Variants in NIP7 observed in about 807,000 individuals in gnomAD.
NIP7 encodes the protein nucleolar pre-rRNA processing protein NIP7.
A neutral mutation model predicts 20.1 loss-of-function variants in NIP7; 12 were observed. That is an observed-to-expected ratio of 0.60 (90% CI 0.38 to 0.97). The LOEUF (loss-of-function observed/expected upper bound fraction) is 0.97. Ranked by LOEUF, NIP7 falls within the 50% of genes least tolerant of loss-of-function variation. The probability of loss-of-function intolerance (pLI) is 0.00; values close to 1 mark genes in which losing one functional copy is unlikely to be tolerated. For synonymous variants in NIP7, 103 were observed against 87.2 expected (o/e 1.18, Z -1.01); for missense variants, 226 against 226.6 (o/e 1.00, Z 0.02).
Position 69,339,994 on chromosome 16 carries a change from T to G in NIP7, c.57-12T>G. 6.2e-7 allele frequency: 1 copy of G among 1,613,434 alleles called. No homozygotes were observed. Among genetic ancestry groups the G allele is most frequent in the Non-Finnish European group, 8.5e-7 (1 of 1,179,964 alleles). On this transcript the variant is annotated splice_polypyrimidine_tract_variant and intron_variant, in intron 1 of 4. Coordinates refer to ENST00000254940, the MANE Select transcript of NIP7 (RefSeq NM_016101.5). ...GTTCGGGCGCGGTCTCCAGTCCTCT[T>G]TTTGCCCTCAGCATTGGGGAGAATC...
rs2012595881 is a variant in NIP7, at chr16:69,342,777, G to A, written c.*1125G>A. On this transcript the variant is annotated 3_prime_UTR_variant, in exon 5 of 5. Transcript: ENST00000254940. Reference sequence around the variant, plus strand: ...GTTTTCTCAGTATTTTTCTTGGATGGGATGACGCTAGGCTGGAAAGTTTTT... The same window carrying A: ...GTTTTCTCAGTATTTTTCTTGGATGAGATGACGCTAGGCTGGAAAGTTTTT... 6.6e-6 allele frequency: 1 copy of A among 151,820 alleles called. No individual in the cohort carries two copies. Among genetic ancestry groups the A allele is most frequent in the Admixed American group, 6.6e-5 (1 of 15,226 alleles). The allele number at this position is 151,820 out of a possible 1,614,324, so 9.4% of individuals were successfully genotyped here. A position where few individuals can be genotyped will look rare whatever the true frequency, so the allele number is the denominator to read the frequency against.
At position 69,341,203 on chromosome 16, in the gene NIP7, T is replaced by C. The variant is rs763896594; in HGVS notation, c.306T>C (p.Gly102=). 1.2e-6 allele frequency: 2 copies of C among 1,614,132 alleles called. No homozygotes were observed. Among genetic ancestry groups the C allele is most frequent in the Non-Finnish European group, 1.7e-6 (2 of 1,179,968 alleles). Reference sequence around the variant, plus strand: ...AGTATAAAGTTTGGATAAAGCCTGGTGCAGAGCAGTCCTTCCTGTATGGGA... The same window carrying C: ...AGTATAAAGTTTGGATAAAGCCTGGCGCAGAGCAGTCCTTCCTGTATGGGA... The part of the protein sequence containing the change: ...YAKYKVWIKP[G]AEQSFLYGNH... The change falls in exon 4 of 5, where the codon GGT becomes GGC. Residue 102 remains glycine (G), a synonymous_variant. Coordinates refer to ENST00000254940, the MANE Select transcript of NIP7 (RefSeq NM_016101.5).
Position 69,339,845 on chromosome 16 carries a change from GAA to G in NIP7, c.17_18del (p.Glu6GlyfsTer8), listed in dbSNP as rs753573745. On this transcript the variant is annotated frameshift_variant, in exon 1 of 5. Coordinates refer to ENST00000254940, the MANE Select transcript of NIP7 (RefSeq NM_016101.5). LOFTEE classifies it high-confidence loss of function. ...AGGGGGAAAAATGCGGCCTTTGACTGAAGAGGAGACCCGTGTCATGTTTGAGA... is the reference window on the plus strand; with the variant it reads ...AGGGGGAAAAATGCGGCCTTTGACTGGAGGAGACCCGTGTCATGTTTGAGA... MRPLT[E>X]EETRVMFEKI... 6.2e-7 allele frequency: 1 copy of G among 1,613,466 alleles called. No individual in the cohort carries two copies. The highest frequency in any genetic ancestry group is 1.1e-5 in the South Asian group (1 of 91,052).
chr16:69,340,524 G>T (rs1162747738), intron 3 of NIP7, 192 bp downstream of exon 3: 4 of 699,628 alleles, frequency 5.7e-6, no homozygotes, highest in African/African-American at 3.6e-5. Flanking sequence ...GCTGCGTAGG[G>T]TTAGTTTTCT....
intron 3 of NIP7, chr16:69,340,559 A>G: frequency 1.8e-6 from 1 of 542,054 alleles, no homozygotes; most frequent in South Asian, 2.9e-5. Flanking sequence ...GAGCCTAGGG[A>G]GACCCAGCTA....
intron 3 of NIP7, chr16:69,340,825 C>G (rs748016373): frequency 4.4e-6 from 1 of 228,400 alleles, no homozygotes; most frequent in Non-Finnish European, 8.8e-6. Flanking sequence ...TCCAGTGATT[C>G]TTGTGCCTCA....
rs374023433 is a variant in NIP7 at position 69,340,114 on chromosome 16, A to C, written c.143+22A>C. The C allele has an allele frequency of 3.1e-6, 5 of 1,613,256 alleles. No individual in the cohort carries two copies. In the Admixed American group the frequency reaches 6.7e-5, roughly 22 times the overall value. ...TGAGGTGAGGCGGGGCCGGGCAGGC[A>C]GCATGGACCCAGGGGAGAGGGGTCC... On this transcript the variant is annotated intron_variant, in intron 2 of 4. Transcript: ENST00000254940.
chr16:69,339,774 CT>C lies in NIP7; in HGVS notation c.-54del. The C allele has an allele frequency of 6.2e-7, 1 of 1,601,460 alleles. No individual in the cohort carries two copies. Among genetic ancestry groups the C allele is most frequent in the East Asian group, 2.2e-5 (1 of 44,822 alleles). On this transcript the variant is annotated 5_prime_UTR_variant, in exon 1 of 5. Transcript: ENST00000254940. The stretch of plus-strand genomic sequence containing the variant: ...TTGCCGGGGAGCAGCGAGCGACCGA[CT>C]TCCGTTTCCAGTTACCAAGGCACGA...
At chr16:69,340,374 C>A in intron 3 of NIP7, 42 bp downstream of exon 3, 1 of 1,599,500 alleles carries the variant, frequency 6.3e-7, no homozygotes, top group Non-Finnish European at 8.5e-7. Flanking sequence ...GCGATGAAGT[C>A]AAGGATTAGG....
At position 69,341,708 on chromosome 16, in the gene NIP7, G is replaced by A; in HGVS notation, c.*56G>A. 6.2e-7 allele frequency: 1 copy of A among 1,605,126 alleles called. No homozygotes were observed. Among genetic ancestry groups the A allele is most frequent in the Non-Finnish European group, 8.5e-7 (1 of 1,174,058 alleles). On this transcript the variant is annotated 3_prime_UTR_variant, in exon 5 of 5. Transcript: ENST00000254940. Reference sequence around the variant, plus strand: ...ATGGAAAGGCCGAGCTTTGTTTCCTGTGTTTGTGTGGACTCCACCATCATG... The same window carrying A: ...ATGGAAAGGCCGAGCTTTGTTTCCTATGTTTGTGTGGACTCCACCATCATG...
In NIP7 at chr16:69,340,031, G is replaced by A; in HGVS notation, c.82G>A (p.Val28Met). The change falls in exon 2 of 5, where the codon GTG becomes ATG. Residue 28 changes from valine (V) to methionine (M), a missense_variant. By Grantham distance (21) the Val-to-Met change is conservative (BLOSUM62 1). Coordinates refer to ENST00000254940, the MANE Select transcript of NIP7 (RefSeq NM_016101.5). Reference protein sequence around the residue: ...KYIGENLQLLVDRPDGTYCFR... With the variant: ...KYIGENLQLLMDRPDGTYCFR... Reference sequence around the variant, plus strand: ...CATTGGGGAGAATCTTCAACTGCTGGTGGACCGGCCCGATGGCACCTACTG... The same window carrying A: ...CATTGGGGAGAATCTTCAACTGCTGATGGACCGGCCCGATGGCACCTACTG... The A allele has an allele frequency of 6.2e-7, 1 of 1,614,098 alleles. No homozygotes were observed. Among genetic ancestry groups the A allele is most frequent in the Non-Finnish European group, 8.5e-7 (1 of 1,180,024 alleles).
At position 69,341,587 on chromosome 16, in the gene NIP7, G is replaced by A. The variant is rs1430902815; in HGVS notation, c.478G>A (p.Ala160Thr). 1 of 1,614,164 alleles carries A rather than the reference G, an allele frequency of 6.2e-7. No homozygotes were observed. The highest frequency in any genetic ancestry group is 2.2e-5 in the East Asian group (1 of 44,884). ...TQDCRKVDPMAIVVFHQADIG... is the reference protein window; with the variant it reads ...TQDCRKVDPMTIVVFHQADIG... Reference sequence around the variant, plus strand: ...AGACTGCAGAAAAGTAGACCCCATGGCGATTGTGGTATTTCATCAAGCAGA... The same window carrying A: ...AGACTGCAGAAAAGTAGACCCCATGACGATTGTGGTATTTCATCAAGCAGA... The change falls in exon 5 of 5, where the codon GCG (alanine) becomes ACG (threonine). Residue 160 changes from alanine to threonine, a missense_variant. Ala to Thr is a moderately conservative substitution (Grantham distance 58, BLOSUM62 0). Coordinates refer to ENST00000254940, the MANE Select transcript of NIP7 (RefSeq NM_016101.5).
Position 69,341,701 on chromosome 16 carries a change from G to C in NIP7, c.*49G>C, listed in dbSNP as rs1366304371. ...CGGCTGTATGGAAAGGCCGAGCTTT[G>C]TTTCCTGTGTTTGTGTGGACTCCAC... On this transcript the variant is annotated 3_prime_UTR_variant, in exon 5 of 5. Coordinates refer to ENST00000254940, the MANE Select transcript of NIP7 (RefSeq NM_016101.5). 1.2e-6 allele frequency: 2 copies of C among 1,607,596 alleles called. No individual in the cohort carries two copies. The highest frequency in any genetic ancestry group is 4.5e-5 in the East Asian group (2 of 44,786).
chr16:69,339,915 G>C (rs763464680), intron 1 of NIP7, 30 bp downstream of exon 1: 6 of 1,613,418 alleles, frequency 3.7e-6, no homozygotes, highest in Non-Finnish European at 5.1e-6. Flanking sequence ...ACGCGGGAGT[G>C]TGTGGGTGTG....
rs145587963 is a variant in NIP7, at chr16:69,340,041, C to G, written c.92C>G (p.Pro31Arg). 1.2e-6 allele frequency: 2 copies of G among 1,614,058 alleles called. No homozygotes were observed. Among genetic ancestry groups the G allele is most frequent in the African/African-American group, 2.7e-5 (2 of 74,992 alleles). Residue 31 changes from proline (P) to arginine (R), a missense_variant, in exon 2 of 5, where the codon CCC becomes CGC. Transcript: ENST00000254940. Reference protein sequence around the residue: ...GENLQLLVDRPDGTYCFRLHN... With the variant: ...GENLQLLVDRRDGTYCFRLHN... ...AATCTTCAACTGCTGGTGGACCGGC[C>G]CGATGGCACCTACTGTTTCCGTCTG...
chr16:69,339,821 G>T lies in NIP7; in HGVS notation c.-9G>T, dbSNP rs1365730671. On this transcript the variant is annotated 5_prime_UTR_variant, in exon 1 of 5. The change creates a new upstream start codon in the 5' untranslated region. Transcript: ENST00000254940. ...CACGAGGATCCGGTGTTCCAACCCAGGGGGAAAAATGCGGCCTTTGACTGA... is the reference window on the plus strand; with the variant it reads ...CACGAGGATCCGGTGTTCCAACCCATGGGGAAAAATGCGGCCTTTGACTGA... 2 of 1,612,414 alleles carry T rather than the reference G, an allele frequency of 1.2e-6. No individual in the cohort carries two copies. Among genetic ancestry groups the T allele is most frequent in the African/African-American group, 2.7e-5 (2 of 74,874 alleles).
intron 3 of NIP7, 24 bp downstream of exon 3, chr16:69,340,356 T>G (rs201680806): frequency 6.2e-7 from 1 of 1,605,364 alleles, no homozygotes; most frequent in Non-Finnish European, 8.5e-7. Flanking sequence ...TTTCCAATTC[T>G]GCCACGGGCG....
At chr16:69,340,874 G>C (rs2012515213) in intron 3 of NIP7, 3 of 260,340 alleles carry the variant, frequency 1.2e-5, no homozygotes, top group Non-Finnish European at 2.3e-5. Flanking sequence ...ACACCTGGCT[G>C]ATTTTTTTGT....
Position 69,340,059 on chromosome 16 carries a change from T to C in NIP7, c.110T>C (p.Phe37Ser). The change falls in exon 2 of 5, where the codon TTC (phenylalanine) becomes TCC (serine). Residue 37 changes from phenylalanine to serine, a missense_variant. By Grantham distance (155) the Phe-to-Ser change is radical. Transcript: ENST00000254940. The part of the protein sequence containing the change: ...LVDRPDGTYC[F>S]RLHNDRVYYV... ...GACCGGCCCGATGGCACCTACTGTT[T>C]CCGTCTGCACAACGACCGGGTGTAC... The C allele has an allele frequency of 6.2e-7, 1 of 1,613,972 alleles. No individual in the cohort carries two copies. Among genetic ancestry groups the C allele is most frequent in the East Asian group, 2.2e-5 (1 of 44,866 alleles).
Sources: gnomAD v4.1 joint callset for allele counts on GRCh38, gnomAD v4.1.1 for gene constraint, MANE v1.5 for transcripts, NCBI Gene and HGNC (gene_info 2026-07-23, HGNC 2026-07-21) for gene names.